RANBP17: variants seen among roughly 807,000 people sequenced by gnomAD.
The protein encoded by RANBP17 is ran-binding protein 17.
In RANBP17, 158 loss-of-function variants were observed where a neutral mutation model predicts 141.2. That is an observed-to-expected ratio of 1.12 (90% CI 0.98 to 1.28). RANBP17 has a LOEUF of 1.28. Ranked by LOEUF, RANBP17 falls within the 50% of genes most tolerant of loss-of-function variation. The probability of loss-of-function intolerance (pLI) is 0.00; values close to 1 mark genes in which losing one functional copy is unlikely to be tolerated. For missense variants in RANBP17, 1,438 were observed against 1,290.7 expected, an observed-to-expected ratio of 1.11 and a Z score of -1.75; for synonymous variants, 430 against 450.0, an observed-to-expected ratio of 0.96 and a Z score of 0.56.
At chr5:171,047,279 A>G (rs1338390242) in intron 14 of RANBP17, among the ~76,000 whole-genome samples, 2 of 151,222 alleles carry the variant, frequency 1.3e-5, no homozygotes, top group African/African-American at 4.9e-5. Context: ...CGGCACCCCA[A>G]AGTGTTGGGA....
rs929220262 is a variant in RANBP17 at position 170,953,684 on chromosome 5, A to G, written c.1556A>G (p.Asp519Gly). The change falls in exon 13 of 28, where the codon GAT becomes GGT. Residue 519 changes from aspartate to glycine, a missense_variant. Asp to Gly is a moderately conservative substitution (Grantham distance 94). Transcript: ENST00000523189. ...AGTACAGATGAGCATGATGCTATGG[A>G]TGGAGAATTATCCTGTCGGTAAGTA... ...YTSTDEHDAMDGELSCRVFQL... is the reference protein window; with the variant it reads ...YTSTDEHDAMGGELSCRVFQL... 1 of 1,601,896 alleles carries G rather than the reference A, an allele frequency of 6.2e-7. No homozygotes were observed. Among genetic ancestry groups the G allele is most frequent in the Non-Finnish European group, 8.5e-7 (1 of 1,169,654 alleles).
Position 171,121,723 on chromosome 5 carries a change from C to CA in RANBP17, c.1711-48407_1711-48406insA, listed in dbSNP as rs1756048623. 2.0e-5 allele frequency among the ~76,000 whole-genome samples: 3 copies of CA among 152,248 alleles called. No individual in the cohort carries two copies. The East Asian group carries it at 5.8e-4, about 29-fold the overall frequency. On this transcript the variant is annotated intron_variant, in intron 14 of 27. Transcript: ENST00000523189. Reference sequence around the variant, plus strand: ...TCACTGCCACTCCTGGGACCAGGCTCCATGCAACTAGGTTTGTGGTGTTCA... The same window carrying CA: ...TCACTGCCACTCCTGGGACCAGGCTCACATGCAACTAGGTTTGTGGTGTTCA...
chr5:171,206,216 C>T (rs1257066746), intron 20 of RANBP17: 1 of 161,056 alleles, frequency 6.2e-6, no homozygotes, highest in Non-Finnish European at 1.4e-5. Context: ...TGGTGATAGA[C>T]AGACCCGGCT....
chr5:170,876,820 C>G (rs1299500571), intron 1 of RANBP17, among the ~76,000 whole-genome samples: 1 of 152,076 alleles, frequency 6.6e-6, no homozygotes, highest in Admixed American at 6.6e-5. Flanking sequence ...AAGGTTACCA[C>G]ATAAAATTCA....
At chr5:171,108,207 G>A (rs776850218) in intron 14 of RANBP17, among the ~76,000 whole-genome samples, 3 of 151,860 alleles carry the variant, frequency 2.0e-5, no homozygotes, top group Non-Finnish European at 4.4e-5. Context: ...AGCAACAGCT[G>A]TTGTTCAGGT....
intron 14 of RANBP17, among the ~76,000 whole-genome samples, chr5:171,148,611 T>G (rs541291708): frequency 0.012 from 1,840 of 150,280 alleles, 33 homozygotes; most frequent in African/African-American, 0.041. Context: ...TATATATATA[T>G]ATATAGAGAG....
chr5:171,207,038 G>A (rs1370258325), intron 20 of RANBP17: 4 of 169,734 alleles, frequency 2.4e-5, no homozygotes, highest in Non-Finnish European at 5.1e-5. Flanking sequence ...TGTTGCTCAG[G>A]CTGGACTCAA....
At position 171,171,403 on chromosome 5, in the gene RANBP17, C is replaced by A. The variant is rs529828461; in HGVS notation, c.1865+117C>A. The stretch of plus-strand genomic sequence containing the variant: ...CAATTTTTTAAAAAAATAAAAAGAC[C>A]TTTCATTTAGCCTTATCTGTAAATG... On this transcript the variant is annotated intron_variant, in intron 16 of 27. Transcript: ENST00000523189. 1.8e-5 allele frequency: 10 copies of A among 551,138 alleles called. No homozygotes were observed. The East Asian group carries it at 3.0e-4, about 17-fold the overall frequency. 34.1% of individuals were successfully genotyped at this position (551,138 alleles called of 1,614,324 possible).
chr5:170,988,373 A>ATTT lies in RANBP17; in HGVS notation c.1710+20005_1710+20007dup, dbSNP rs35069928. On this transcript the variant is annotated intron_variant, in intron 14 of 27. Coordinates refer to ENST00000523189, the MANE Select transcript of RANBP17 (RefSeq NM_022897.5). ...TATTCCACCTATCTTTTAGTGTTTGATTTTTTTTTTTGGTGATTCTAGGAA... is the reference window on the plus strand; with the variant it reads ...TATTCCACCTATCTTTTAGTGTTTGATTTTTTTTTTTTTTGGTGATTCTAGGAA... Among the ~76,000 whole-genome samples the ATTT allele has an allele frequency of 2.8e-3, 407 of 146,770 alleles. 2 individuals are homozygous for ATTT. The highest frequency in any genetic ancestry group is 3.7e-3 in the Non-Finnish European group (248 of 66,334).
intron 12 of RANBP17, among the ~76,000 whole-genome samples, chr5:170,949,525 A>G (rs1467619965): frequency 6.6e-6 from 1 of 152,160 alleles, no homozygotes; most frequent in Non-Finnish European, 1.5e-5. Context: ...ATTATAATGA[A>G]ATACCTCCTC....
intron 14 of RANBP17, among the ~76,000 whole-genome samples, chr5:170,992,234 A>G (rs996212761): frequency 6.6e-6 from 1 of 151,972 alleles, no homozygotes; most frequent in Non-Finnish European, 1.5e-5. Context: ...TTTCGGGGGT[A>G]GTAGTCATGA....
At chr5:171,220,079 G>A (rs1203798163) in intron 21 of RANBP17, among the ~76,000 whole-genome samples, 1 of 152,030 alleles carries the variant, frequency 6.6e-6, no homozygotes, top group Admixed American at 6.5e-5. Context: ...TGGAGTTTTT[G>A]TATGGGGGTC....
intron 5 of RANBP17, chr5:170,896,902 A>G (rs1770175327): frequency 1.6e-6 from 1 of 610,134 alleles, no homozygotes; most frequent in Non-Finnish European, 3.0e-6. Context: ...GCGGCTCACA[A>G]GCGCCCCCAG....
chr5:171,060,553 G>A (rs572705818), intron 14 of RANBP17, among the ~76,000 whole-genome samples: 1 of 152,300 alleles, frequency 6.6e-6, no homozygotes, highest in African/African-American at 2.4e-5. Context: ...TGTGGTGCTG[G>A]ATTCGGTTTG....
At chr5:171,003,644 G>T (rs975426531) in intron 14 of RANBP17, among the ~76,000 whole-genome samples, 8 of 152,074 alleles carry the variant, frequency 5.3e-5, no homozygotes, top group Admixed American at 3.3e-4. Flanking sequence ...TGAAAGGAGG[G>T]GCTACAAAGT....
chr5:171,018,185 G>A (rs905240798), intron 14 of RANBP17, among the ~76,000 whole-genome samples: 11 of 152,122 alleles, frequency 7.2e-5, no homozygotes, highest in Non-Finnish European at 1.0e-4. Context: ...AAGTCAGGTC[G>A]TGTGATGCCT....
chr5:171,174,731 A>T (rs1404219102), intron 16 of RANBP17, among the ~76,000 whole-genome samples: 1 of 149,756 alleles, frequency 6.7e-6, no homozygotes, highest in African/African-American at 2.5e-5. Flanking sequence ...ATCAAACATG[A>T]GAAAACTAAA....
intron 14 of RANBP17, among the ~76,000 whole-genome samples, chr5:171,054,938 A>G (rs1156844930): frequency 1.3e-5 from 2 of 152,200 alleles, no homozygotes; most frequent in African/African-American, 4.8e-5. Context: ...ACATTTAGAA[A>G]GCATCCATAT....
intron 14 of RANBP17, among the ~76,000 whole-genome samples, chr5:171,088,960 G>A (rs1785946032): frequency 6.6e-6 from 1 of 151,644 alleles, no homozygotes; most frequent in Non-Finnish European, 1.5e-5. Flanking sequence ...TCTTCTCTCA[G>A]CTCGTCAAAG....
Sources: allele counts gnomAD v4.1 joint callset (sites outside exome capture counted in the v4.1 genomes callset), GRCh38; gene constraint gnomAD v4.1.1; transcripts MANE v1.5; gene names NCBI Gene and HGNC (gene_info 2026-07-23, HGNC 2026-07-21).